Variants in ATP1A2 observed in about 807,000 individuals in gnomAD.
ATP1A2 encodes ATPase Na+/K+ transporting subunit alpha 2, also known as sodium/potassium-transporting ATPase subunit alpha-2.
ATP1A2 carries 56 observed loss-of-function variants against 113.1 expected under a neutral mutation model. The ratio of observed to expected loss-of-function variants is 0.49; its 90% CI spans 0.40 to 0.62. The LOEUF is 0.62. Among genes scored for constraint, ATP1A2 ranks in the 20% least tolerant of loss-of-function variants. ATP1A2 has a pLI of 0.00. For missense variants in ATP1A2, 712 were observed against 1,357.8 expected, an observed-to-expected ratio of 0.52 and a Z score of 7.47; for synonymous variants, 490 against 526.8, an observed-to-expected ratio of 0.93 and a Z score of 0.96.
chr1:160,130,017 A>G (rs1651719329), intron 11 of ATP1A2, 85 bp from the exon 12 acceptor site: 1 of 1,541,406 alleles, frequency 6.5e-7, no homozygotes, highest in African/African-American at 1.4e-5. Context: ...TACTTTTCTA[A>G]GGTGGTTTCC....
Position 160,136,616 on chromosome 1 carries a change from G to A in ATP1A2, c.2610G>A (p.Leu870=). 6.2e-7 allele frequency: 1 copy of A among 1,614,222 alleles called. No individual in the cohort carries two copies. Among genetic ancestry groups the A allele is most frequent in the Non-Finnish European group, 8.5e-7 (1 of 1,180,038 alleles). ...LGGFFTYFVI[L]AENGFLPSRL... Reference sequence around the variant, plus strand: ...GCTTCTTCACCTACTTTGTGATCCTGGCAGAGAACGGTTTCCTGCCATCAC... The same window carrying A: ...GCTTCTTCACCTACTTTGTGATCCTAGCAGAGAACGGTTTCCTGCCATCAC... The change falls in exon 19 of 23, where the codon CTG becomes CTA. Residue 870 remains leucine, a synonymous_variant. Transcript: ENST00000361216.
intron 11 of ATP1A2, 46 bp from the exon 12 acceptor site, chr1:160,130,056 C>T (rs752581593): frequency 1.9e-6 from 3 of 1,612,716 alleles, no homozygotes; most frequent in Non-Finnish European, 2.5e-6. Flanking sequence ...TGCCGCGCTA[C>T]CAAGACAAGT....
rs538744660 is a variant in ATP1A2, at chr1:160,135,436, A to T, written c.2118A>T (p.Gly706=). The change falls in exon 16 of 23, where the codon GGA becomes GGT. Residue 706 remains glycine (G), a splice_region_variant and synonymous_variant. Coordinates refer to ENST00000361216, the MANE Select transcript of ATP1A2 (RefSeq NM_000702.4). This position sits in a 1 kb window ranked among gnomAD's most constrained non-coding sequence, Gnocchi z 6.3. ...LIIVEGCQRQ[G]AIVAVTGDGV... The stretch of plus-strand genomic sequence containing the variant: ...AAGTGTGGCCGTCTTCCCTCCAGGG[A>T]GCCATTGTGGCCGTGACGGGTGACG... The T allele has an allele frequency of 6.2e-7, 1 of 1,614,124 alleles. No individual in the cohort carries two copies. Among genetic ancestry groups the T allele is most frequent in the South Asian group, 1.1e-5 (1 of 91,064 alleles).
Position 160,139,974 on chromosome 1 carries a change from G to C in ATP1A2, c.3024G>C (p.Arg1008=). 1 of 1,613,744 alleles carries C rather than the reference G, an allele frequency of 6.2e-7. No individual in the cohort carries two copies. Among genetic ancestry groups the C allele is most frequent in the South Asian group, 1.1e-5 (1 of 91,070 alleles). ...AGGTCCGAAAGCTCATCCTGCGGCG[G>C]TATCCTGGTGGTAAGCCCCTCCACA... The part of the protein sequence containing the change: ...YDEVRKLILR[R]YPGGWVEKET... Residue 1008 remains arginine, a synonymous_variant, in exon 22 of 23, where the codon CGG becomes CGC. Transcript: ENST00000361216.
chr1:160,126,076 A>T (rs145510126), intron 7 of ATP1A2, among the ~76,000 whole-genome samples: 2 of 152,126 alleles, frequency 1.3e-5, no homozygotes, highest in African/African-American at 2.4e-5. Context: ...TCCTCAGTGT[A>T]TTATGTTTCT....
chr1:160,122,953 C>T (rs1193909707), intron 3 of ATP1A2, among the ~76,000 whole-genome samples: 2 of 152,114 alleles, frequency 1.3e-5, no homozygotes, highest in East Asian at 3.9e-4. Flanking sequence ...TGTTATGGCC[C>T]TAACCATAGG....
intron 14 of ATP1A2, 111 bp downstream of exon 14, chr1:160,134,731 C>A: frequency 6.7e-7 from 1 of 1,487,052 alleles, no homozygotes. Flanking sequence ...CTTTATAGGC[C>A]TTACCTCTGA....
chr1:160,127,935 A>G lies in ATP1A2; in HGVS notation c.1017+115A>G, dbSNP rs1651634159. The G allele has an allele frequency of 5.1e-6, 7 of 1,364,126 alleles. 1 individual carries two copies. In the East Asian group the frequency reaches 1.2e-4, roughly 23 times the overall value. The allele number at this position is 1,364,126 out of a possible 1,614,324, so 84.5% of individuals were successfully genotyped here. On this transcript the variant is annotated intron_variant, in intron 8 of 22. Coordinates refer to ENST00000361216, the MANE Select transcript of ATP1A2 (RefSeq NM_000702.4). ...CTACTTTTTCCCCCTAGAGTCACTT[A>G]TTGGATGCGATACTCAGAGATCACT...
At chr1:160,123,180 T>A (rs1181733302) in intron 3 of ATP1A2, 33 bp from the exon 4 acceptor site, 2 of 1,612,546 alleles carry the variant, frequency 1.2e-6, no homozygotes, top group African/African-American at 2.7e-5. Context: ...TGGCTCCGGA[T>A]GCGTGCCCCT....
At position 160,136,731 on chromosome 1, in the gene ATP1A2, T is replaced by A. The variant is rs771446366; in HGVS notation, c.2709+16T>A. On this transcript the variant is annotated intron_variant, in intron 19 of 22. Transcript: ENST00000361216. ...ACAGGAGTGGGTGAGTGGTGCTGTG[T>A]AAACACAGCGCACATGTGTGAAGGT... 1.2e-5 allele frequency: 19 copies of A among 1,614,042 alleles called. No individual in the cohort carries two copies. The South Asian group carries it at 2.1e-4, about 18-fold the overall frequency.
rs763362150 is a variant in ATP1A2 at position 160,123,283 on chromosome 1, C to T, written c.248C>T (p.Thr83Ile). 6.2e-7 allele frequency: 1 copy of T among 1,614,132 alleles called. No homozygotes were observed. The highest frequency in any genetic ancestry group is 1.3e-5 in the African/African-American group (1 of 74,944). The change falls in exon 4 of 23, where the codon ACA (threonine) becomes ATA (isoleucine). Residue 83 changes from threonine to isoleucine, a missense_variant. Coordinates refer to ENST00000361216, the MANE Select transcript of ATP1A2 (RefSeq NM_000702.4). ...CCCAACGCCCTCACACCACCTCCCACAACCCCTGAGTGGGTCAAGTTCTGC... is the reference window on the plus strand; with the variant it reads ...CCCAACGCCCTCACACCACCTCCCATAACCCCTGAGTGGGTCAAGTTCTGC... ...DGPNALTPPP[T>I]TPEWVKFCRQ... is the part of the protein sequence containing the mutation.
At position 160,123,206 on chromosome 1, in the gene ATP1A2, C is replaced by A. The variant is rs372105057; in HGVS notation, c.178-7C>A. The A allele has an allele frequency of 2.5e-6, 4 of 1,614,114 alleles. No homozygotes were observed. Among genetic ancestry groups the A allele is most frequent in the Non-Finnish European group, 3.4e-6 (4 of 1,180,042 alleles). On this transcript the variant is annotated splice_region_variant and splice_polypyrimidine_tract_variant and intron_variant, in intron 3 of 22. Transcript: ENST00000361216. ...GCGTGCCCCTACGCCTCTCCTTGCTCCCTCAGGGCCTCACCAACCAGCGGG... is the reference window on the plus strand; with the variant it reads ...GCGTGCCCCTACGCCTCTCCTTGCTACCTCAGGGCCTCACCAACCAGCGGG...
At chr1:160,128,565 G>A (rs763804361) in intron 8 of ATP1A2, 87 bp from the exon 9 acceptor site, 4 of 1,595,608 alleles carry the variant, frequency 2.5e-6, no homozygotes, top group Non-Finnish European at 3.4e-6. Context: ...AATCAGGGGA[G>A]GAGGAATGGA....
intron 3 of ATP1A2, among the ~76,000 whole-genome samples, chr1:160,122,500 C>T (rs1366239623): frequency 4.0e-5 from 6 of 151,738 alleles, no homozygotes; most frequent in Non-Finnish European, 5.9e-5. Flanking sequence ...CCTAGGATTC[C>T]AATGCAATAT....
At chr1:160,129,988 A>G (rs1168451057) in intron 11 of ATP1A2, 114 bp from the exon 12 acceptor site, 11 of 1,346,124 alleles carry the variant, frequency 8.2e-6, no homozygotes, top group Admixed American at 3.5e-5. Context: ...TTTGTTGACA[A>G]TCTTTGATGG....
At chr1:160,133,377 G>C (rs554213722) in intron 13 of ATP1A2, among the ~76,000 whole-genome samples, 4 of 148,090 alleles carry the variant, frequency 2.7e-5, no homozygotes, top group Admixed American at 6.6e-5. Flanking sequence ...GACCATGGAG[G>C]CTTCCTTTTC....
intron 1 of ATP1A2, among the ~76,000 whole-genome samples, chr1:160,117,014 G>A (rs1056981329): frequency 6.6e-6 from 1 of 152,062 alleles, no homozygotes; most frequent in Non-Finnish European, 1.5e-5. Flanking sequence ...GGGGAGTCCT[G>A]CAGTTACTCA....
chr1:160,120,712 G>T (rs755666501), intron 1 of ATP1A2, among the ~76,000 whole-genome samples, 194 bp from the exon 2 acceptor site: 4 of 152,102 alleles, frequency 2.6e-5, no homozygotes, highest in Admixed American at 6.5e-5. Context: ...ACTCACATGG[G>T]AGCCCCTGGT....
chr1:160,127,421 T>C, intron 7 of ATP1A2, 131 bp from the exon 8 acceptor site: 1 of 1,297,084 alleles, frequency 7.7e-7, no homozygotes, highest in Non-Finnish European at 1.1e-6. Context: ...GACAACCTAC[T>C]GAATGTGGCC....
Sources: allele counts gnomAD v4.1 joint callset (sites outside exome capture counted in the v4.1 genomes callset), GRCh38; gene constraint gnomAD v4.1.1; non-coding constraint Gnocchi (gnomAD v3.1); transcripts MANE v1.5; gene names NCBI Gene and HGNC (gene_info 2026-07-23, HGNC 2026-07-21).